KDM1B: variants seen among roughly 807,000 people sequenced by gnomAD.
KDM1B encodes the protein lysine-specific histone demethylase 2.
KDM1B carries 63 observed loss-of-function variants against 107.4 expected under a neutral mutation model. That is an observed-to-expected ratio of 0.59 (90% CI 0.48 to 0.72). The LOEUF is 0.72. Among genes scored for constraint, KDM1B ranks in the 30% least tolerant of loss-of-function variants. KDM1B has a pLI of 0.00. For missense variants in KDM1B, 749 were observed against 1,020.8 expected (o/e 0.73, Z 3.63); for synonymous variants, 363 against 363.9 (o/e 1.00, Z 0.03).
chr6:18,208,164 G>T lies in KDM1B; in HGVS notation c.1824G>T (p.Val608=), dbSNP rs1241223345. 3 of 1,613,778 alleles carry T rather than the reference G, an allele frequency of 1.9e-6. No homozygotes were observed. Among genetic ancestry groups the T allele is most frequent in the Non-Finnish European group, 2.5e-6 (3 of 1,179,830 alleles). Residue 608 remains valine (V), a synonymous_variant, in exon 17 of 22, where the codon GTG becomes GTT. Coordinates refer to ENST00000650836, the MANE Select transcript of KDM1B (RefSeq NM_001364614.2). ...GTATTGATTATTCTGGAGATGAAGT[G>T]CAGGTTACCACTACAGATGGCACAG... The part of the protein sequence containing the change: ...VQCIDYSGDE[V]QVTTTDGTGY...
chr6:18,218,020 C>G (rs1381621827), intron 21 of KDM1B, 135 bp downstream of exon 21: 1 of 873,682 alleles, frequency 1.1e-6, no homozygotes, highest in East Asian at 2.6e-5. Flanking sequence ...CAGAAGCCTT[C>G]TCACCATCCT....
intron 17 of KDM1B, among the ~76,000 whole-genome samples, chr6:18,210,342 CTTTTTTTTTTTTTTT>C (rs533016543): frequency 6.0e-4 from 42 of 70,012 alleles, no homozygotes; most frequent in Admixed American, 1.1e-3. Flanking sequence ...TCTTTCTTTT[CTTTTTTTTTTTTTTT>C]TTTTTTTTTT....
At chr6:18,218,465 A>G (rs939871749) in intron 21 of KDM1B, among the ~76,000 whole-genome samples, 6 of 152,052 alleles carry the variant, frequency 3.9e-5, no homozygotes, top group Admixed American at 1.3e-4. Context: ...GACATTATTG[A>G]CTGCCTCCCT....
intron 6 of KDM1B, among the ~76,000 whole-genome samples, chr6:18,167,494 G>A (rs879353692): frequency 6.7e-6 from 1 of 148,794 alleles, no homozygotes; most frequent in African/African-American, 2.5e-5. Context: ...TTTTTTCTGA[G>A]ACAGGGTCTC....
Position 18,165,921 on chromosome 6 carries a change from C to T in KDM1B, c.306-346C>T, listed in dbSNP as rs74954445. On this transcript the variant is annotated intron_variant, in intron 5 of 21. Transcript: ENST00000650836. Reference sequence around the variant, plus strand: ...GAAGGATCGCTTGAGCTTGGGAGTTCGAGGTTGCAGCACACCATGATTCAT... The same window carrying T: ...GAAGGATCGCTTGAGCTTGGGAGTTTGAGGTTGCAGCACACCATGATTCAT... 9.0e-3 allele frequency among the ~76,000 whole-genome samples: 1,372 copies of T among 152,188 alleles called. 19 individuals are homozygous for T. Among genetic ancestry groups the T allele is most frequent in the African/African-American group, 0.031 (1,276 of 41,520 alleles).
intron 5 of KDM1B, among the ~76,000 whole-genome samples, chr6:18,165,784 T>G (rs1286393303): frequency 1.3e-5 from 2 of 152,222 alleles, no homozygotes; most frequent in African/African-American, 4.8e-5. Flanking sequence ...ATTGTGCCAT[T>G]GCGCTGCAGC....
rs1789012894 is a variant in KDM1B, at chr6:18,213,545, C to CT, written c.1984-108dup. On this transcript the variant is annotated intron_variant, in intron 18 of 21. Transcript: ENST00000650836. This position sits in a 1 kb window ranked among gnomAD's most constrained non-coding sequence, Gnocchi z 5.9. Reference sequence around the variant, plus strand: ...GGAAAGAGCGGTATTTGGGGTTGTTCTTTCGGGCAGTGTCTTTGTTTTAGA... The same window carrying CT: ...GGAAAGAGCGGTATTTGGGGTTGTTCTTTTCGGGCAGTGTCTTTGTTTTAGA... 1.9e-6 allele frequency: 2 copies of CT among 1,080,936 alleles called. No individual in the cohort carries two copies. Among genetic ancestry groups the CT allele is most frequent in the Admixed American group, 1.9e-5 (1 of 51,446 alleles). The allele number at this position is 1,080,936 out of a possible 1,614,324, so 67.0% of individuals were successfully genotyped here.
intron 20 of KDM1B, among the ~76,000 whole-genome samples, chr6:18,217,435 G>T (rs1434741023): frequency 6.8e-6 from 1 of 147,486 alleles, no homozygotes; most frequent in African/African-American, 2.5e-5. Flanking sequence ...CTGGAGTGCA[G>T]TGGCGCGATC....
At chr6:18,163,012 C>T (rs762637389) in intron 5 of KDM1B, 88 bp downstream of exon 5, 19 of 787,304 alleles carry the variant, frequency 2.4e-5, no homozygotes, top group African/African-American at 2.0e-4. Flanking sequence ...AGCTTAGTCT[C>T]GAGGCTTACT....
Position 18,215,019 on chromosome 6 carries a change from G to T in KDM1B, c.2122G>T (p.Val708Leu). The stretch of plus-strand genomic sequence containing the variant: ...TTCATGTCTCCAGAAGAAGCACAGC[G>T]TGCTGATGTCTGTGATTGCCGGGGA... The part of the protein sequence containing the change: ...YDMDPQKKHS[V>L]LMSVIAGEAV... The change falls in exon 20 of 22, where the codon GTG becomes TTG. Residue 708 changes from valine to leucine, a missense_variant. By Grantham distance (32) the Val-to-Leu change is conservative. Coordinates refer to ENST00000650836, the MANE Select transcript of KDM1B (RefSeq NM_001364614.2). 5.6e-6 allele frequency: 9 copies of T among 1,614,028 alleles called. No homozygotes were observed. The highest frequency in any genetic ancestry group is 7.6e-6 in the Non-Finnish European group (9 of 1,179,950).
intron 21 of KDM1B, among the ~76,000 whole-genome samples, chr6:18,221,129 C>A (rs932884301): frequency 6.6e-6 from 1 of 152,038 alleles, no homozygotes; most frequent in African/African-American, 2.4e-5. Flanking sequence ...TGTAATCACT[C>A]CCCCATTCAT....
At chr6:18,183,772 C>T (rs1284024733) in intron 7 of KDM1B, among the ~76,000 whole-genome samples, 1 of 151,838 alleles carries the variant, frequency 6.6e-6, no homozygotes, top group African/African-American at 2.4e-5. Context: ...TGTGTTAATA[C>T]CAAAGAGTAG....
intron 5 of KDM1B, among the ~76,000 whole-genome samples, chr6:18,165,519 C>A (rs1412723911): frequency 6.6e-6 from 1 of 151,936 alleles, no homozygotes; most frequent in Non-Finnish European, 1.5e-5. Context: ...GGATTTACTA[C>A]ATACATTAAA....
intron 9 of KDM1B, 58 bp downstream of exon 9, chr6:18,188,060 C>G: frequency 7.0e-7 from 1 of 1,430,750 alleles, no homozygotes; most frequent in Non-Finnish European, 9.6e-7. Flanking sequence ...CCCTGAGGAA[C>G]GTGTGAGTGA....
At chr6:18,163,662 G>A (rs1380439750) in intron 5 of KDM1B, among the ~76,000 whole-genome samples, 1 of 151,938 alleles carries the variant, frequency 6.6e-6, no homozygotes, top group Non-Finnish European at 1.5e-5. Context: ...TTTCCATTGA[G>A]TTTTCCTTTT....
chr6:18,207,645 G>C (rs214598), intron 16 of KDM1B, 116 bp downstream of exon 16: 424,770 of 1,266,524 alleles, frequency 0.34, 73,171 homozygotes, highest in South Asian at 0.47. Flanking sequence ...CCAGGGTCTA[G>C]AAGTACTTTT....
chr6:18,188,456 A>G (rs537228747), intron 9 of KDM1B, among the ~76,000 whole-genome samples: 1 of 151,980 alleles, frequency 6.6e-6, no homozygotes, highest in African/African-American at 2.4e-5. Context: ...GATAACATGA[A>G]CTCTGACTTA....
chr6:18,204,235 A>G lies in KDM1B; in HGVS notation c.1532-1302A>G, dbSNP rs1346113126. Among the ~76,000 whole-genome samples the G allele has an allele frequency of 3.3e-5, 5 of 152,308 alleles. No homozygotes were observed. The East Asian group carries it at 9.7e-4, about 29-fold the overall frequency. ...AACTTGGGATTACACCTGTAATCCCAGCACTTCGGGAGGCTGAGGTGGGTA... is the reference window on the plus strand; with the variant it reads ...AACTTGGGATTACACCTGTAATCCCGGCACTTCGGGAGGCTGAGGTGGGTA... On this transcript the variant is annotated intron_variant, in intron 14 of 21. Coordinates refer to ENST00000650836, the MANE Select transcript of KDM1B (RefSeq NM_001364614.2). This position sits in a 1 kb window ranked among gnomAD's most constrained non-coding sequence, Gnocchi z 4.9.
At position 18,201,699 on chromosome 6, in the gene KDM1B, G is replaced by T; in HGVS notation, c.1531+42G>T. 1 of 1,482,700 alleles carries T rather than the reference G, an allele frequency of 6.7e-7. No homozygotes were observed. The highest frequency in any genetic ancestry group is 9.1e-7 in the Non-Finnish European group (1 of 1,103,868). 91.8% of individuals were successfully genotyped at this position (1,482,700 alleles called of 1,614,324 possible). ...GTTCTGATTGTTCCATCTCAGTTTC[G>T]TTGTTACCTAAGCTTCATCAGCAGT... On this transcript the variant is annotated intron_variant, in intron 14 of 21. Coordinates refer to ENST00000650836, the MANE Select transcript of KDM1B (RefSeq NM_001364614.2). The surrounding 1 kb of genome is among the most constrained non-coding windows in gnomAD (Gnocchi z 4.3).
Sources: allele counts gnomAD v4.1 joint callset (sites outside exome capture counted in the v4.1 genomes callset), GRCh38; gene constraint gnomAD v4.1.1; non-coding constraint Gnocchi (gnomAD v3.1); transcripts MANE v1.5; gene names NCBI Gene and HGNC (gene_info 2026-07-23, HGNC 2026-07-21).